The following SHTN1 variants were observed in gnomAD, a reference collection of about 807,000 sequenced individuals.
SHTN1 encodes shootin-1.
In SHTN1, 42 loss-of-function variants were observed where a neutral mutation model predicts 83.1. The ratio of observed to expected loss-of-function variants is 0.51; its 90% CI spans 0.39 to 0.65. SHTN1 has a LOEUF of 0.65. Ranked by LOEUF, SHTN1 falls within the 30% of genes least tolerant of loss-of-function variation. The pLI, the probability that SHTN1 is intolerant of heterozygous loss-of-function variation, is 0.00. For missense variants in SHTN1, 622 were observed against 737.8 expected, an observed-to-expected ratio of 0.84 and a Z score of 1.82; for synonymous variants, 224 against 247.7, an observed-to-expected ratio of 0.90 and a Z score of 0.90.
chr10:116,900,449 C>T (rs746596729), intron 16 of SHTN1: 80 of 1,218,676 alleles, frequency 6.6e-5, no homozygotes, highest in Non-Finnish European at 9.1e-5. Context: ...TATTTCATTT[C>T]CTTTCTTGGA....
Position 116,888,387 on chromosome 10 carries a change from T to A in SHTN1, c.1674-1821A>T, listed in dbSNP as rs1847228151. ...AACTATGAGTAATATTAAGGATTGATCAGAGGAATCAGACCTTAGGGAATG... is the reference window on the plus strand; with the variant it reads ...AACTATGAGTAATATTAAGGATTGAACAGAGGAATCAGACCTTAGGGAATG... On this transcript the variant is annotated intron_variant, in intron 16 of 16. Transcript: ENST00000355371. 2.0e-5 allele frequency among the ~76,000 whole-genome samples: 3 copies of A among 152,274 alleles called. No individual in the cohort carries two copies. In the South Asian group the frequency reaches 6.2e-4, roughly 32 times the overall value.
chr10:116,922,732 A>T (rs1848607249), intron 11 of SHTN1, among the ~76,000 whole-genome samples: 1 of 152,330 alleles, frequency 6.6e-6, no homozygotes, highest in East Asian at 1.9e-4. Context: ...TGGGAGGCCA[A>T]GGTGGGCAGA....
intron 1 of SHTN1, among the ~76,000 whole-genome samples, chr10:116,994,237 G>T (rs919766081): frequency 2.0e-5 from 3 of 152,068 alleles, no homozygotes; most frequent in African/African-American, 7.2e-5. Flanking sequence ...TGTCTAAGTA[G>T]ATGTTATTTA....
chr10:116,900,715 T>C (rs1302190272), intron 16 of SHTN1: 2 of 984,368 alleles, frequency 2.0e-6, no homozygotes, highest in Admixed American at 6.1e-5. Flanking sequence ...AGAATGAATA[T>C]AGATCATCTT....
At chr10:116,994,154 T>TG (rs1200716037) in intron 1 of SHTN1, among the ~76,000 whole-genome samples, 1 of 152,076 alleles carries the variant, frequency 6.6e-6, no homozygotes, top group African/African-American at 2.4e-5. Flanking sequence ...ACAAGTAAAA[T>TG]AAGATATATT....
At chr10:117,039,823 A>T (rs1194520685) in intron 2 of SHTN1, among the ~76,000 whole-genome samples, 1 of 149,888 alleles carries the variant, frequency 6.7e-6, no homozygotes. Flanking sequence ...CCTGCACTCC[A>T]GCCTGGGCAA....
At chr10:116,987,818 G>A (rs1181112427) in intron 1 of SHTN1, among the ~76,000 whole-genome samples, 1 of 152,102 alleles carries the variant, frequency 6.6e-6, no homozygotes, top group African/African-American at 2.4e-5. Context: ...GGGAGGCTGA[G>A]GCAGGAGAAT....
intron 1 of SHTN1, among the ~76,000 whole-genome samples, chr10:117,104,015 C>T (rs964494085): frequency 6.6e-6 from 1 of 152,110 alleles, no homozygotes; most frequent in Non-Finnish European, 1.5e-5. Flanking sequence ...CTTTTCTCAA[C>T]CTTATGAAGT....
chr10:116,889,534 A>G (rs2133300202), intron 16 of SHTN1, among the ~76,000 whole-genome samples: 1 of 152,258 alleles, frequency 6.6e-6, no homozygotes, highest in East Asian at 1.9e-4. Flanking sequence ...GAAAGGGACT[A>G]GGGCAATCGT....
At chr10:117,104,395 A>G (rs867924932) in intron 1 of SHTN1, among the ~76,000 whole-genome samples, 2 of 152,292 alleles carry the variant, frequency 1.3e-5, no homozygotes, top group Middle Eastern at 3.4e-3. Context: ...GTCTTCCTCC[A>G]TTAGGGCTGT....
intron 8 of SHTN1, 132 bp from the exon 9 acceptor site, chr10:116,940,744 T>A: frequency 3.3e-6 from 2 of 609,624 alleles, no homozygotes; most frequent in Non-Finnish European, 5.3e-6. Flanking sequence ...TCTATAAGTT[T>A]TAGAAGTAGT....
At chr10:116,915,342 A>C in intron 13 of SHTN1, 33 bp downstream of exon 13, 4 of 1,127,750 alleles carry the variant, frequency 3.5e-6, no homozygotes, top group Non-Finnish European at 5.3e-6. Flanking sequence ...AGGAAATATC[A>C]AACAGGGAAA....
intron 8 of SHTN1, among the ~76,000 whole-genome samples, chr10:116,942,113 A>G (rs998085245): frequency 6.6e-6 from 1 of 152,226 alleles, no homozygotes; most frequent in African/African-American, 2.4e-5. Flanking sequence ...CAGCTTCAGC[A>G]TTCTAAGAAA....
chr10:116,997,475 G>C (rs1851665573), intron 1 of SHTN1, among the ~76,000 whole-genome samples: 1 of 152,132 alleles, frequency 6.6e-6, no homozygotes, highest in East Asian at 1.9e-4. Context: ...GACTATGACA[G>C]TTTCTCAGAC....
intron 9 of SHTN1, among the ~76,000 whole-genome samples, chr10:116,932,125 C>A (rs998081203): frequency 2.0e-5 from 3 of 152,196 alleles, no homozygotes; most frequent in Non-Finnish European, 4.4e-5. Context: ...ACTCTCTCAA[C>A]AATCCTCTGC....
At chr10:117,077,398 T>C (rs1441179422) in intron 1 of SHTN1, among the ~76,000 whole-genome samples, 1 of 152,192 alleles carries the variant, frequency 6.6e-6, no homozygotes, top group African/African-American at 2.4e-5. Flanking sequence ...CACTGGAAGT[T>C]TGCCCACAGA....
At chr10:116,993,455 C>T (rs1052403888) in intron 1 of SHTN1, among the ~76,000 whole-genome samples, 28 of 152,088 alleles carry the variant, frequency 1.8e-4, no homozygotes, top group African/African-American at 6.8e-4. Flanking sequence ...TAGAAACTAA[C>T]CCAAATACTT....
intron 12 of SHTN1, among the ~76,000 whole-genome samples, chr10:116,920,686 C>A (rs547873399): frequency 8.7e-4 from 132 of 152,190 alleles, no homozygotes; most frequent in Non-Finnish European, 1.4e-3. Flanking sequence ...ATGCCAGAAC[C>A]TTGACCTTGA....
intron 9 of SHTN1, among the ~76,000 whole-genome samples, chr10:116,932,472 C>T (rs1036772036): frequency 3.3e-5 from 5 of 152,166 alleles, no homozygotes; most frequent in African/African-American, 9.7e-5. Context: ...CCCCCACCCT[C>T]TTCCCTCCCC....
Sources: gnomAD v4.1 joint callset for allele counts (sites outside exome capture counted in the v4.1 genomes callset) on GRCh38, gnomAD v4.1.1 for gene constraint, MANE v1.5 for transcripts, NCBI Gene and HGNC (gene_info 2026-07-23, HGNC 2026-07-21) for gene names.